The following ITGAD variants were observed in gnomAD, a reference collection of about 807,000 sequenced individuals.
ITGAD encodes integrin subunit alpha D, also known as integrin alpha-D.
ITGAD carries 105 observed loss-of-function variants against 139.0 expected under a neutral mutation model. The observed-to-expected ratio is 0.76, with a 90% confidence interval of 0.65 to 0.89. The LOEUF (loss-of-function observed/expected upper bound fraction) is 0.89. ITGAD is among the 40% of genes least tolerant of loss of function. ITGAD has a pLI of 0.00. For synonymous variants in ITGAD, 569 were observed against 598.3 expected (o/e 0.95, Z 0.71); for missense variants, 1,384 against 1,487.3 (o/e 0.93, Z 1.14).
At chr16:31,417,953 A>G (rs1017149743) in intron 20 of ITGAD, 122 bp from the exon 21 acceptor site, 49 of 806,204 alleles carry the variant, frequency 6.1e-5, no homozygotes, top group Non-Finnish European at 9.4e-5. Context: ...TCTCAAAAAA[A>G]AACAACAACA....
intron 7 of ITGAD, chr16:31,404,192 AC>A (rs1262773942): frequency 3.2e-5 from 5 of 154,006 alleles, no homozygotes; most frequent in African/African-American, 1.2e-4. Flanking sequence ...CTTTCTCCCC[AC>A]TCACCTCCTC....
chr16:31,397,693 GGGTGGGGTGGGGC>G, intron 4 of ITGAD, 27 bp downstream of exon 4: 3 of 1,512,136 alleles, frequency 2.0e-6, no homozygotes, highest in Non-Finnish European at 2.7e-6. Context: ...GGCCACGGGG[GGGTGGGGTGGGGC>G]GGGGGGTGTT....
At chr16:31,412,580 A>C (rs2081756468) in intron 14 of ITGAD, among the ~76,000 whole-genome samples, 1 of 152,078 alleles carries the variant, frequency 6.6e-6, no homozygotes, top group South Asian at 2.1e-4. Context: ...GAGGAGTCAG[A>C]ATTGGAACTA....
rs779916723 is a variant in ITGAD at position 31,424,232 on chromosome 16, G to A, written c.3261+29G>A. 13 of 1,612,990 alleles carry A rather than the reference G, an allele frequency of 8.1e-6. No homozygotes were observed. In the Admixed American group the frequency reaches 2.2e-4, roughly 27 times the overall value. On this transcript the variant is annotated intron_variant, in intron 28 of 29. Transcript: ENST00000389202. Reference sequence around the variant, plus strand: ...GAGACCATGTGGAGGGCAGCGACCAGCTGGAAAGAGGACCCCTAGGGCTAC... The same window carrying A: ...GAGACCATGTGGAGGGCAGCGACCAACTGGAAAGAGGACCCCTAGGGCTAC...
At position 31,397,808 on chromosome 16, in the gene ITGAD, C is replaced by A. The variant is rs142218903; in HGVS notation, c.326C>A (p.Thr109Asn). ...TTCTGCCTCCAGGCCTGTGGCCCGACCCTGCACAGAGTCTGTGGGGAGAAC... is the reference window on the plus strand; with the variant it reads ...TTCTGCCTCCAGGCCTGTGGCCCGAACCTGCACAGAGTCTGTGGGGAGAAC... Reference protein sequence around the residue: ...NGSRLLACGPTLHRVCGENSY... With the variant: ...NGSRLLACGPNLHRVCGENSY... Residue 109 changes from threonine (T) to asparagine (N), a missense_variant, in exon 5 of 30, where the codon ACC becomes AAC. Transcript: ENST00000389202. 6.5e-4 allele frequency: 1,045 copies of A among 1,613,346 alleles called. 14 individuals carry two copies. In the African/African-American group the frequency reaches 0.012, roughly 18 times the overall value.
intron 3 of ITGAD, 30 bp from the exon 4 acceptor site, chr16:31,397,566 G>A: frequency 1.2e-6 from 2 of 1,605,616 alleles, no homozygotes; most frequent in Non-Finnish European, 1.7e-6. Flanking sequence ...TGTGTGCTGT[G>A]AGTGAGACCC....
rs144758242 is a variant in ITGAD, at chr16:31,397,615, C to A, written c.261C>A (p.Asn87Lys). Residue 87 changes from asparagine (N) to lysine (K), a missense_variant, in exon 4 of 30, where the codon AAC becomes AAA. Physicochemically the swap from Asn to Lys is moderately conservative, Grantham distance 94 (BLOSUM62 0). Transcript: ENST00000389202. ...TTGCAGTCCGCCCTGAGGCCGTGAA[C>A]ATGTCCTTGGGCCTGACCCTGGCAG... is the stretch of plus-strand genomic sequence containing the variant. ...IPLHIRPEAVNMSLGLTLAAS... is the reference protein window; with the variant it reads ...IPLHIRPEAVKMSLGLTLAAS... 1.5e-5 allele frequency: 24 copies of A among 1,600,304 alleles called. No individual in the cohort carries two copies. The highest frequency in any genetic ancestry group is 1.9e-5 in the Non-Finnish European group (22 of 1,177,096).
At chr16:31,406,916 T>C (rs1182930791) in intron 7 of ITGAD, among the ~76,000 whole-genome samples, 1 of 152,192 alleles carries the variant, frequency 6.6e-6, no homozygotes, top group African/African-American at 2.4e-5. Context: ...TTAAGTCCCA[T>C]GCCCAAAGTG....
In ITGAD at chr16:31,414,284, C is replaced by CATCCATCA. The variant is rs111812854; in HGVS notation, c.1997-164_1997-163insCATCAATC. ...CCATCCATCCATCCATCCATCCATC[C>CATCCATCA]ATCATCTATCCGTCCATCTATCTTC... is the stretch of plus-strand genomic sequence containing the variant. On this transcript the variant is annotated intron_variant, in intron 16 of 29. Transcript: ENST00000389202. Among the ~76,000 whole-genome samples, 3 of 151,780 alleles carry CATCCATCA rather than the reference C, an allele frequency of 2.0e-5. No individual in the cohort carries two copies. In the East Asian group the frequency reaches 5.8e-4, roughly 29 times the overall value.
intron 28 of ITGAD, 118 bp from the exon 29 acceptor site, chr16:31,424,349 A>G (rs1046945082): frequency 2.4e-6 from 3 of 1,226,850 alleles, no homozygotes; most frequent in Admixed American, 3.6e-5. Flanking sequence ...CACGGGTGCT[A>G]CTGTGTCTCA....
In ITGAD at chr16:31,420,637, C is replaced by T. The variant is rs1398013198; in HGVS notation, c.2780+2073C>T. ...TTGCCCAGGCTGGAGTGCAATGTTG[C>T]GATCTCAGCTCACTGAAATCTCCGC... On this transcript the variant is annotated intron_variant, in intron 23 of 29. Transcript: ENST00000389202. Among the ~76,000 whole-genome samples, 7 of 152,244 alleles carry T rather than the reference C, an allele frequency of 4.6e-5. No individual in the cohort carries two copies. In the East Asian group the frequency reaches 7.7e-4, roughly 17 times the overall value.
At chr16:31,406,177 CA>C (rs1466393440) in intron 7 of ITGAD, among the ~76,000 whole-genome samples, 2 of 151,912 alleles carry the variant, frequency 1.3e-5, no homozygotes, top group African/African-American at 4.8e-5. Context: ...CAGGTTCAAA[CA>C]ATTCTCCTGC....
chr16:31,397,701 T>TGTGGGGGGGGGGGGGGGGGGGGGGGG, intron 4 of ITGAD, 35 bp downstream of exon 4: 1 of 259,060 alleles, frequency 3.9e-6, no homozygotes, highest in Non-Finnish European at 6.5e-6. Context: ...GGGGGTGGGG[T>TGTGGGGGGGGGGGGGGGGGGGGGGGG]GGGGCGGGGG....
intron 27 of ITGAD, 56 bp from the exon 28 acceptor site, chr16:31,424,046 A>G (rs201938902): frequency 0.3 from 488,533 of 1,603,118 alleles, 76,999 homozygotes; most frequent in South Asian, 0.38. Context: ...GGCACCCCCG[A>G]AGCTCTGAGC....
At chr16:31,416,471 G>A (rs948616476) in intron 19 of ITGAD, 34 bp from the exon 20 acceptor site, 26 of 1,593,744 alleles carry the variant, frequency 1.6e-5, no homozygotes, top group Non-Finnish European at 2.0e-5. Context: ...ATTTCCAGTG[G>A]AGCGCCACTC....
At chr16:31,411,243 G>T (rs1338081269) in intron 13 of ITGAD, 27 bp downstream of exon 13, 8 of 1,610,074 alleles carry the variant, frequency 5.0e-6, no homozygotes, top group Non-Finnish European at 8.5e-7. Context: ...ACCTAGGCTG[G>T]GTGGGGTCCG....
Position 31,426,158 on chromosome 16 carries a change from T to C in ITGAD, c.*30T>C. 1 of 1,433,810 alleles carries C rather than the reference T, an allele frequency of 7.0e-7. No homozygotes were observed. Among genetic ancestry groups the C allele is most frequent in the Non-Finnish European group, 9.8e-7 (1 of 1,020,364 alleles). The allele number at this position is 1,433,810 out of a possible 1,614,324, so 88.8% of individuals were successfully genotyped here. A position where few individuals can be genotyped will look rare whatever the true frequency, so the allele number is the denominator to read the frequency against. On this transcript the variant is annotated 3_prime_UTR_variant, in exon 30 of 30. Transcript: ENST00000389202. The stretch of plus-strand genomic sequence containing the variant: ...CCACTTTCCTGTTTATCTCTACCAC[T>C]GTGGGCTGGACTTGCTTGCAACCAT...
intron 7 of ITGAD, among the ~76,000 whole-genome samples, chr16:31,405,871 G>C (rs1298147745): frequency 2.6e-5 from 4 of 151,594 alleles, no homozygotes; most frequent in African/African-American, 9.7e-5. Context: ...TTGAACTCCG[G>C]GCCTCGAGAG....
intron 10 of ITGAD, 94 bp downstream of exon 10, chr16:31,408,592 G>A (rs1035075683): frequency 3.0e-5 from 33 of 1,107,910 alleles, no homozygotes; most frequent in Non-Finnish European, 4.2e-5. Flanking sequence ...AACAAGAGCA[G>A]ACCCCATCCT....
Sources: gnomAD v4.1 joint callset for allele counts (sites outside exome capture counted in the v4.1 genomes callset) on GRCh38, gnomAD v4.1.1 for gene constraint, MANE v1.5 for transcripts, NCBI Gene and HGNC (gene_info 2026-07-23, HGNC 2026-07-21) for gene names.